Variants in VPS13B observed in about 807,000 individuals in gnomAD.
The protein encoded by VPS13B is vacuolar protein sorting 13 homolog B.
A neutral mutation model predicts 426.4 loss-of-function variants in VPS13B; 285 were observed. That is an observed-to-expected ratio of 0.67 (90% CI 0.61 to 0.74). The LOEUF (loss-of-function observed/expected upper bound fraction) is 0.74. Ranked by LOEUF, VPS13B falls within the 30% of genes least tolerant of loss-of-function variation. VPS13B has a pLI of 0.00. For synonymous variants in VPS13B, 1,676 were observed against 1,676.4 expected, an observed-to-expected ratio of 1.00 and a Z score of 0.01; for missense variants, 4,537 against 4,782.6, an observed-to-expected ratio of 0.95 and a Z score of 1.51.
chr8:99,730,186 G>A (rs187325636), intron 39 of VPS13B, among the ~76,000 whole-genome samples: 20 of 152,284 alleles, frequency 1.3e-4, no homozygotes, highest in African/African-American at 4.8e-4. Context: ...GTCCCAGAAG[G>A]CTTTGCTCCT....
intron 17 of VPS13B, chr8:99,234,190 A>C (rs1816513815): frequency 1.3e-6 from 1 of 778,922 alleles, no homozygotes; most frequent in African/African-American, 1.7e-5. Flanking sequence ...GAAATCTTGA[A>C]GGAATAGTTC....
chr8:99,038,305 C>T (rs1842832078), intron 2 of VPS13B, 118 bp from the exon 3 acceptor site: 6 of 818,030 alleles, frequency 7.3e-6, no homozygotes, highest in Non-Finnish European at 1.1e-5. Flanking sequence ...AAGCACTAAA[C>T]AATAAGTCTC....
chr8:99,472,764 A>G (rs1819480042), intron 24 of VPS13B, among the ~76,000 whole-genome samples: 1 of 152,002 alleles, frequency 6.6e-6, no homozygotes, highest in South Asian at 2.1e-4. Context: ...AAGATCAACA[A>G]AATTGACAGT....
At chr8:99,059,669 A>G (rs2132293611) in intron 3 of VPS13B, among the ~76,000 whole-genome samples, 1 of 151,640 alleles carries the variant, frequency 6.6e-6, no homozygotes, top group Middle Eastern at 3.4e-3. Flanking sequence ...TTTAACATGA[A>G]GTATTGTTTG....
chr8:99,098,344 A>G (rs1210383687), intron 4 of VPS13B, among the ~76,000 whole-genome samples: 1 of 152,002 alleles, frequency 6.6e-6, no homozygotes, highest in African/African-American at 2.4e-5. Flanking sequence ...TTCTTCCTTT[A>G]CACACACACA....
intron 15 of VPS13B, among the ~76,000 whole-genome samples, chr8:99,168,558 C>A (rs924331770): frequency 6.6e-6 from 1 of 151,888 alleles, no homozygotes; most frequent in Non-Finnish European, 1.5e-5. Flanking sequence ...CTGTAAATTC[C>A]AGAATCCTTT....
chr8:99,121,542 T>G, intron 8 of VPS13B, 97 bp downstream of exon 8: 1 of 1,560,598 alleles, frequency 6.4e-7, no homozygotes, highest in Non-Finnish European at 8.7e-7. Context: ...TTGCTTTGCA[T>G]TCAGTAGATG....
chr8:99,200,525 A>G (rs922863858), intron 17 of VPS13B, among the ~76,000 whole-genome samples: 2 of 152,070 alleles, frequency 1.3e-5, no homozygotes, highest in Admixed American at 6.5e-5. Context: ...TCCATTGGCA[A>G]TGTGTGATGG....
intron 21 of VPS13B, among the ~76,000 whole-genome samples, chr8:99,419,890 A>G (rs958242271): frequency 6.6e-5 from 10 of 152,162 alleles, no homozygotes; most frequent in Non-Finnish European, 1.3e-4. Context: ...ATAAATAGAT[A>G]AAAGAAACAT....
At chr8:99,023,419 A>G (rs981579773) in intron 2 of VPS13B, among the ~76,000 whole-genome samples, 1 of 149,138 alleles carries the variant, frequency 6.7e-6, no homozygotes, top group South Asian at 2.1e-4. Flanking sequence ...AAAAGACAAG[A>G]TTTTTTTTCT....
At chr8:99,258,975 T>C (rs1374009755) in intron 17 of VPS13B, among the ~76,000 whole-genome samples, 1 of 151,870 alleles carries the variant, frequency 6.6e-6, no homozygotes, top group Non-Finnish European at 1.5e-5. Context: ...GAACTGAACT[T>C]TTCTAATCCC....
At chr8:99,831,533 CA>C (rs1166340539) in intron 51 of VPS13B, among the ~76,000 whole-genome samples, 2 of 152,114 alleles carry the variant, frequency 1.3e-5, no homozygotes, top group African/African-American at 2.4e-5. Flanking sequence ...TTAGATTAAT[CA>C]AATAGGATAA....
chr8:99,357,030 A>G (rs1812218534), intron 19 of VPS13B, among the ~76,000 whole-genome samples: 1 of 152,202 alleles, frequency 6.6e-6, no homozygotes, highest in Admixed American at 6.5e-5. Context: ...AGGCTTTGAA[A>G]ACCCTGAAAA....
intron 33 of VPS13B, among the ~76,000 whole-genome samples, chr8:99,592,084 C>T (rs1417231023): frequency 1.3e-5 from 2 of 151,628 alleles, no homozygotes; most frequent in Non-Finnish European, 2.9e-5. Context: ...TCACTGATAC[C>T]TTTTCTTCCA....
At chr8:99,639,749 T>C (rs1198237188) in intron 33 of VPS13B, among the ~76,000 whole-genome samples, 1 of 149,094 alleles carries the variant, frequency 6.7e-6, no homozygotes, top group African/African-American at 2.4e-5. Context: ...GGCAGGAGGA[T>C]TGCTTGAGGC....
At chr8:99,316,193 C>T (rs2133115001) in intron 19 of VPS13B, among the ~76,000 whole-genome samples, 1 of 152,172 alleles carries the variant, frequency 6.6e-6, no homozygotes, top group South Asian at 2.1e-4. Context: ...GTAGCCTGTC[C>T]TTAGGGTGCT....
At chr8:99,548,948 TATA>T (rs1824134317) in intron 30 of VPS13B, among the ~76,000 whole-genome samples, 7 of 152,074 alleles carry the variant, frequency 4.6e-5, no homozygotes, top group Admixed American at 2.6e-4. Flanking sequence ...TTCTTCAAAA[TATA>T]ATATTTTATT....
chr8:99,279,915 A>G (rs1819081112), intron 19 of VPS13B, among the ~76,000 whole-genome samples: 1 of 151,984 alleles, frequency 6.6e-6, no homozygotes, highest in Admixed American at 6.6e-5. Flanking sequence ...GACTACAGGC[A>G]CCTGTTACCA....
intron 3 of VPS13B, among the ~76,000 whole-genome samples, chr8:99,052,292 A>G (rs199728037): frequency 1.1e-5 from 1 of 89,568 alleles, no homozygotes; most frequent in Admixed American, 1.3e-4. Context: ...AGATAATCAT[A>G]TGGTTTTTGT....
Sources: allele counts gnomAD v4.1 joint callset (sites outside exome capture counted in the v4.1 genomes callset), GRCh38; gene constraint gnomAD v4.1.1; transcripts MANE v1.5; gene names NCBI Gene and HGNC (gene_info 2026-07-23, HGNC 2026-07-21).